TTC28: variants seen among roughly 807,000 people sequenced by gnomAD.
TTC28 encodes the protein tetratricopeptide repeat domain 28, also known as tetratricopeptide repeat protein 28.
TTC28 carries 61 observed loss-of-function variants against 198.0 expected under a neutral mutation model. The observed-to-expected ratio is 0.31, with a 90% CI of 0.25 to 0.38. TTC28 has a LOEUF of 0.38. TTC28 is among the 10% of genes least tolerant of loss of function. TTC28 has a pLI of 1.00. For missense variants in TTC28, 2,678 were observed against 3,164.0 expected, an observed-to-expected ratio of 0.85 and a Z score of 3.69; for synonymous variants, 1,171 against 1,297.8, an observed-to-expected ratio of 0.90 and a Z score of 2.10.
At chr22:28,540,076 T>C (rs976332128) in intron 2 of TTC28, among the ~76,000 whole-genome samples, 4 of 151,470 alleles carry the variant, frequency 2.6e-5, no homozygotes, top group African/African-American at 9.7e-5. Flanking sequence ...TCCGAGTAGC[T>C]GGGACTAAAG....
At chr22:28,343,517 G>A (rs1369943111) in intron 2 of TTC28, among the ~76,000 whole-genome samples, 1 of 137,328 alleles carries the variant, frequency 7.3e-6, no homozygotes, top group African/African-American at 2.6e-5. Flanking sequence ...GACACAGAGT[G>A]AGACTCTGTC....
intron 5 of TTC28, among the ~76,000 whole-genome samples, chr22:28,286,372 CACT>C (rs1166533045): frequency 2.6e-5 from 4 of 152,120 alleles, no homozygotes; most frequent in Admixed American, 6.6e-5. Flanking sequence ...AAAATATTAT[CACT>C]ACATTAAACA....
intron 2 of TTC28, among the ~76,000 whole-genome samples, chr22:28,337,748 T>C (rs134496): frequency 0.98 from 148,883 of 151,744 alleles, 73,028 homozygotes; most frequent in East Asian, 0.99. Context: ...GCACGTGAGA[T>C]GGGTTTCCTG....
At chr22:28,647,671 C>G (rs1416153609) in intron 1 of TTC28, among the ~76,000 whole-genome samples, 2 of 151,030 alleles carry the variant, frequency 1.3e-5, no homozygotes, top group African/African-American at 4.9e-5. Context: ...AACCCCGTCT[C>G]TACTAAAAAT....
intron 6 of TTC28, among the ~76,000 whole-genome samples, chr22:28,114,578 GAT>G (rs1491301333): frequency 1.3e-5 from 2 of 148,246 alleles, no homozygotes; most frequent in African/African-American, 5.0e-5. Flanking sequence ...CAAAGGTATA[GAT>G]TTTTTTTTTT....
At chr22:28,625,193 C>T (rs1375782486) in intron 2 of TTC28, among the ~76,000 whole-genome samples, 3 of 151,924 alleles carry the variant, frequency 2.0e-5, no homozygotes, top group South Asian at 4.2e-4. Flanking sequence ...ACCGGATATG[C>T]TAACCAGCGC....
At chr22:28,661,606 G>C (rs1460094546) in intron 1 of TTC28, among the ~76,000 whole-genome samples, 1 of 151,456 alleles carries the variant, frequency 6.6e-6, no homozygotes, top group Non-Finnish European at 1.5e-5. Flanking sequence ...TTGATAGACA[G>C]ATAGTTTTGT....
At chr22:28,158,121 G>C (rs1943793776) in intron 6 of TTC28, among the ~76,000 whole-genome samples, 1 of 151,848 alleles carries the variant, frequency 6.6e-6, no homozygotes, top group African/African-American at 2.4e-5. Context: ...TATGCCAACA[G>C]TTAATAATCT....
intron 2 of TTC28, among the ~76,000 whole-genome samples, chr22:28,567,217 GAAAAAAAAAAA>G (rs962703897): frequency 2.9e-4 from 24 of 83,064 alleles, no homozygotes; most frequent in Admixed American, 2.6e-3. Context: ...CTCCATCTCG[GAAAAAAAAAAA>G]AAAAAAAAAA....
At position 27,983,529 on chromosome 22, in the gene TTC28, G is replaced by A; in HGVS notation, c.6138C>T (p.Arg2046=). The A allele has an allele frequency of 6.4e-7, 1 of 1,551,000 alleles. No individual in the cohort carries two copies. The highest frequency in any genetic ancestry group is 2.4e-5 in the East Asian group (1 of 40,930). ...LPRSQLPPQT[R]PAGNKDEEEY... is the part of the protein sequence containing the mutation. The stretch of plus-strand genomic sequence containing the variant: ...CTTCTTCATCTTTGTTGCCTGCAGG[G>A]CGGGTCTGGGGAGGCAGCTGGCTCC... Residue 2046 remains arginine (R), a synonymous_variant, in exon 23 of 23, where the codon CGC becomes CGT. Coordinates refer to ENST00000397906, the MANE Select transcript of TTC28 (RefSeq NM_001145418.2).
intron 2 of TTC28, among the ~76,000 whole-genome samples, chr22:28,365,467 G>A (rs1441474270): frequency 2.0e-5 from 3 of 152,152 alleles, no homozygotes; most frequent in Non-Finnish European, 4.4e-5. Context: ...TGAAAACACA[G>A]AAGCAAGCTT....
intron 2 of TTC28, among the ~76,000 whole-genome samples, chr22:28,442,287 C>T (rs1202676398): frequency 2.0e-5 from 3 of 152,218 alleles, no homozygotes; most frequent in Non-Finnish European, 4.4e-5. Context: ...TCGCACGGGC[C>T]CACGAGGCCT....
intron 2 of TTC28, among the ~76,000 whole-genome samples, chr22:28,571,241 C>T (rs910246752): frequency 2.0e-5 from 3 of 152,082 alleles, no homozygotes; most frequent in African/African-American, 7.2e-5. Context: ...CACTTCTACC[C>T]GACTAAATTT....
chr22:28,041,496 T>G (rs1939638117), intron 12 of TTC28, among the ~76,000 whole-genome samples: 1 of 152,164 alleles, frequency 6.6e-6, no homozygotes, highest in South Asian at 2.1e-4. Context: ...GATTCCCTAT[T>G]TAATAAATGG....
intron 12 of TTC28, among the ~76,000 whole-genome samples, chr22:28,037,914 C>T (rs138954315): frequency 0.035 from 5,354 of 152,230 alleles, 120 homozygotes; most frequent in East Asian, 0.052. Flanking sequence ...AACTCCCATT[C>T]GCGATTGCTT....
At chr22:28,586,051 C>T (rs1449430149) in intron 2 of TTC28, among the ~76,000 whole-genome samples, 6 of 151,640 alleles carry the variant, frequency 4.0e-5, no homozygotes, top group South Asian at 4.2e-4. Context: ...GAGGCTGAGG[C>T]GGTCAAATCA....
intron 10 of TTC28, 24 bp downstream of exon 10, chr22:28,098,891 A>G: frequency 3.2e-6 from 5 of 1,550,730 alleles, no homozygotes; most frequent in Non-Finnish European, 3.5e-6. Context: ...CACGTAAGCA[A>G]GGAGTAACCC....
chr22:28,009,517 C>T (rs961467143), intron 14 of TTC28, among the ~76,000 whole-genome samples: 10 of 152,204 alleles, frequency 6.6e-5, no homozygotes, highest in African/African-American at 2.4e-4. Context: ...CCTCTTGTGG[C>T]CTCTGGAGCA....
intron 2 of TTC28, among the ~76,000 whole-genome samples, chr22:28,341,312 T>C (rs2045824184): frequency 6.6e-6 from 1 of 152,250 alleles, no homozygotes; most frequent in Non-Finnish European, 1.5e-5. Flanking sequence ...TTCAACTTCC[T>C]GATTCTTTTC....
Sources: allele counts gnomAD v4.1 joint callset (sites outside exome capture counted in the v4.1 genomes callset), GRCh38; gene constraint gnomAD v4.1.1; transcripts MANE v1.5; gene names NCBI Gene and HGNC (gene_info 2026-07-23, HGNC 2026-07-21).